KATNA1: variants seen among roughly 807,000 people sequenced by gnomAD.
KATNA1 encodes the protein katanin p60 ATPase-containing subunit A1.
Under a neutral mutation model 62.6 loss-of-function variants are expected in KATNA1, and 42 were observed. The ratio of observed to expected loss-of-function variants is 0.67; its 90% CI spans 0.52 to 0.87. KATNA1 has a LOEUF of 0.87. Among genes scored for constraint, KATNA1 ranks in the 40% least tolerant of loss-of-function variants. The probability of loss-of-function intolerance (pLI) is 0.00; values close to 1 mark genes in which losing one functional copy is unlikely to be tolerated. For missense variants in KATNA1, 498 were observed against 612.5 expected, an observed-to-expected ratio of 0.81 and a Z score of 1.97; for synonymous variants, 186 against 201.9, an observed-to-expected ratio of 0.92 and a Z score of 0.67.
Position 149,597,523 on chromosome 6 carries a change from A to G in KATNA1, c.1134T>C (p.Tyr378=). ...ALRRRLEKRI[Y]IPLPSAKGRE... ...GGAAGATACCTGACGGCAAAGGAAT[A>G]TAGATTCGTTTCTCAAGGCGTCGTC... The change falls in exon 9 of 11, where the codon TAT becomes TAC. Residue 378 remains tyrosine (Y), a synonymous_variant. Transcript: ENST00000367411. 3.7e-6 allele frequency: 6 copies of G among 1,614,102 alleles called. No homozygotes were observed. The highest frequency in any genetic ancestry group is 5.1e-6 in the Non-Finnish European group (6 of 1,179,982).
At chr6:149,634,925 T>C (rs1780010284) in intron 2 of KATNA1, among the ~76,000 whole-genome samples, 2 of 145,916 alleles carry the variant, frequency 1.4e-5, no homozygotes, top group East Asian at 4.1e-4. Flanking sequence ...AACCAAGGTA[T>C]TTTTTTAAAA....
chr6:149,627,996 AG>A (rs1257691598), intron 3 of KATNA1, among the ~76,000 whole-genome samples: 11 of 151,978 alleles, frequency 7.2e-5, no homozygotes, highest in African/African-American at 2.7e-4. Flanking sequence ...TGAGATGGGA[AG>A]ATATTTGAGG....
chr6:149,631,128 G>T (rs1028200782), intron 3 of KATNA1, among the ~76,000 whole-genome samples: 1 of 152,168 alleles, frequency 6.6e-6, no homozygotes, highest in East Asian at 1.9e-4. Flanking sequence ...GGCCGGGTGT[G>T]GTGGCTCACG....
At chr6:149,638,250 A>G (rs1164077233) in intron 2 of KATNA1, 136 bp downstream of exon 2, 11 of 762,972 alleles carry the variant, frequency 1.4e-5, no homozygotes, top group Non-Finnish European at 2.1e-5. Flanking sequence ...CTAGGACTAC[A>G]GGAGTGAGCC....
At chr6:149,625,363 G>C (rs1486425538) in intron 3 of KATNA1, among the ~76,000 whole-genome samples, 1 of 152,140 alleles carries the variant, frequency 6.6e-6, no homozygotes, top group Non-Finnish European at 1.5e-5. Context: ...GGCCGGGCAC[G>C]GTGGCTCACA....
intron 4 of KATNA1, among the ~76,000 whole-genome samples, chr6:149,620,759 T>C (rs923055126): frequency 6.6e-6 from 1 of 152,222 alleles, no homozygotes; most frequent in African/African-American, 2.4e-5. Context: ...ATTATCACAG[T>C]GTACCCCATA....
chr6:149,647,892 A>G (rs1780550303), intron 1 of KATNA1, among the ~76,000 whole-genome samples: 1 of 152,222 alleles, frequency 6.6e-6, no homozygotes, highest in South Asian at 2.1e-4. Flanking sequence ...AAGGCACTTC[A>G]GGATCTACGT....
At chr6:149,608,560 A>G (rs1188591200) in intron 4 of KATNA1, among the ~76,000 whole-genome samples, 1 of 152,212 alleles carries the variant, frequency 6.6e-6, no homozygotes, top group Non-Finnish European at 1.5e-5. Flanking sequence ...GCAGGGTGGA[A>G]GGCCTAGGAC....
chr6:149,605,249 A>G (rs1471481970), intron 4 of KATNA1, among the ~76,000 whole-genome samples: 6 of 152,160 alleles, frequency 3.9e-5, no homozygotes, highest in Non-Finnish European at 5.9e-5. Context: ...TTCTACATCA[A>G]CATTGGTTTG....
chr6:149,612,662 T>C (rs1779005779), intron 4 of KATNA1, among the ~76,000 whole-genome samples: 1 of 151,990 alleles, frequency 6.6e-6, no homozygotes, highest in Non-Finnish European at 1.5e-5. Flanking sequence ...AAGGAAAAAC[T>C]ATAGACCAGT....
At chr6:149,602,275 C>T (rs184154793) in intron 6 of KATNA1, among the ~76,000 whole-genome samples, 2 of 152,006 alleles carry the variant, frequency 1.3e-5, no homozygotes, top group Non-Finnish European at 2.9e-5. Flanking sequence ...GCTGAGGCAG[C>T]GGAATCAATT....
chr6:149,617,429 T>C (rs564560633), intron 4 of KATNA1, among the ~76,000 whole-genome samples: 180 of 152,338 alleles, frequency 1.2e-3, no homozygotes, highest in Non-Finnish European at 1.6e-3. Context: ...TAAAAATACA[T>C]CACTGTTTAC....
chr6:149,602,264 G>A (rs1778575774), intron 6 of KATNA1, among the ~76,000 whole-genome samples: 1 of 152,178 alleles, frequency 6.6e-6, no homozygotes, highest in African/African-American at 2.4e-5. Flanking sequence ...CTACTCGGGA[G>A]GCTGAGGCAG....
At chr6:149,605,773 A>G (rs2115089662) in intron 4 of KATNA1, among the ~76,000 whole-genome samples, 1 of 151,992 alleles carries the variant, frequency 6.6e-6, no homozygotes, top group Non-Finnish European at 1.5e-5. Context: ...TTATTTATTT[A>G]TTTATTTATT....
At chr6:149,616,054 G>A (rs1218015625) in intron 4 of KATNA1, among the ~76,000 whole-genome samples, 1 of 152,158 alleles carries the variant, frequency 6.6e-6, no homozygotes, top group Admixed American at 6.6e-5. Context: ...GTGGTTGCCA[G>A]GGGCTGCAGG....
intron 5 of KATNA1, among the ~76,000 whole-genome samples, chr6:149,604,401 G>T (rs979024656): frequency 6.6e-6 from 1 of 152,176 alleles, no homozygotes; most frequent in Non-Finnish European, 1.5e-5. Flanking sequence ...AGGAGTTTGA[G>T]CCTGCAGTGA....
chr6:149,613,654 A>G (rs1779054008), intron 4 of KATNA1, among the ~76,000 whole-genome samples: 1 of 152,296 alleles, frequency 6.6e-6, no homozygotes, highest in South Asian at 2.1e-4. Context: ...TGATGCAACT[A>G]TTTAGGAACT....
chr6:149,622,508 T>C (rs1446608046), intron 4 of KATNA1, among the ~76,000 whole-genome samples: 1 of 152,114 alleles, frequency 6.6e-6, no homozygotes, highest in African/African-American at 2.4e-5. Flanking sequence ...TTGGTAAAAC[T>C]AGGTAAAGTA....
intron 4 of KATNA1, among the ~76,000 whole-genome samples, chr6:149,620,728 C>T (rs2070468324): frequency 1.3e-5 from 2 of 152,116 alleles, no homozygotes; most frequent in Non-Finnish European, 2.9e-5. Context: ...TTGATCATTA[C>T]CCATTGTATA....
Sources: allele counts gnomAD v4.1 joint callset (sites outside exome capture counted in the v4.1 genomes callset), GRCh38; gene constraint gnomAD v4.1.1; transcripts MANE v1.5; gene names NCBI Gene and HGNC (gene_info 2026-07-23, HGNC 2026-07-21).